The following PAX8 variants were observed in gnomAD, a reference collection of about 807,000 sequenced individuals.
PAX8 encodes the protein paired box 8, also known as paired box protein Pax-8.
PAX8 carries 15 observed loss-of-function variants against 52.4 expected under a neutral mutation model. That is an observed-to-expected ratio of 0.29 (90% CI 0.19 to 0.44). PAX8 has a LOEUF of 0.44. Ranked by LOEUF, PAX8 falls within the 20% of genes least tolerant of loss-of-function variation. The pLI, the probability that PAX8 is intolerant of heterozygous loss-of-function variation, is 1.00. For missense variants in PAX8, 554 were observed against 602.5 expected (o/e 0.92, Z 0.84); for synonymous variants, 284 against 249.7 (o/e 1.14, Z -1.29).
chr2:113,254,263 C>T (rs1692023332), intron 2 of PAX8, among the ~76,000 whole-genome samples: 1 of 152,232 alleles, frequency 6.6e-6, no homozygotes, highest in Non-Finnish European at 1.5e-5. Flanking sequence ...GAATTGATTT[C>T]TACCTTCATG....
rs1349026936 is a variant in PAX8, at chr2:113,235,430, C to A, written c.1051G>T (p.Val351Leu). Residue 351 changes from valine to leucine, a missense_variant, in exon 9 of 12, where the codon GTG becomes TTG. Val to Leu is a conservative substitution (Grantham distance 32). Around this residue, in one of 2 missense-constraint regions of PAX8, gnomAD observed 445 missense variants for 409.9 expected, o/e 1.09. Transcript: ENST00000429538. ...PFNAFPHAAS[V>L]YGQFTGQALL... is the part of the protein sequence containing the mutation. ...GCCTGGCCCGTGAACTGCCCGTACA[C>A]GGAGGCAGCATGGGGAAAGGCATTG... 1 of 1,603,812 alleles carries A rather than the reference C, an allele frequency of 6.2e-7. No homozygotes were observed. Among genetic ancestry groups the A allele is most frequent in the Admixed American group, 1.7e-5 (1 of 58,088 alleles).
intron 2 of PAX8, among the ~76,000 whole-genome samples, chr2:113,250,234 T>G (rs1026462520): frequency 1.5e-5 from 2 of 132,654 alleles, no homozygotes; most frequent in African/African-American, 2.9e-5. Context: ...ACCACTGCAC[T>G]CCAGCCTGGG....
intron 2 of PAX8, among the ~76,000 whole-genome samples, chr2:113,253,015 G>A (rs1241267890): frequency 6.6e-6 from 1 of 152,214 alleles, no homozygotes; most frequent in Admixed American, 6.5e-5. Context: ...AGCCTGCTCT[G>A]TGCCTCCTGC....
intron 2 of PAX8, chr2:113,270,369 T>G (rs977383432): frequency 3.9e-5 from 6 of 152,124 alleles, no homozygotes; most frequent in African/African-American, 1.4e-4. Context: ...CCATATTTTA[T>G]AAAGGGGAAG....
At chr2:113,274,671 G>C (rs997564124) in intron 2 of PAX8, 12 of 152,204 alleles carry the variant, frequency 7.9e-5, no homozygotes, top group African/African-American at 2.9e-4. Context: ...GTCACTGTAA[G>C]TAAAGTTTCA....
At chr2:113,251,616 G>A (rs562709857) in intron 2 of PAX8, among the ~76,000 whole-genome samples, 4 of 152,142 alleles carry the variant, frequency 2.6e-5, no homozygotes, top group Non-Finnish European at 5.9e-5. Flanking sequence ...AAAGGTCTAG[G>A]TGAAGCTTGC....
At chr2:113,233,330 GA>G (rs35244828) in intron 9 of PAX8, among the ~76,000 whole-genome samples, 11 of 137,862 alleles carry the variant, frequency 8.0e-5, no homozygotes, top group African/African-American at 2.2e-4. Flanking sequence ...ATGTACGGAG[GA>G]AAAAAAAAAA....
At chr2:113,223,956 G>A (rs895203764) in intron 10 of PAX8, among the ~76,000 whole-genome samples, 1 of 152,126 alleles carries the variant, frequency 6.6e-6, no homozygotes, top group African/African-American at 2.4e-5. Context: ...GATGATGAAA[G>A]GATGGATGGG....
At chr2:113,235,846 A>T (rs1301553295) in intron 8 of PAX8, 1 of 494,092 alleles carries the variant, frequency 2.0e-6, no homozygotes, top group African/African-American at 2.0e-5. Context: ...CACAGGAGGG[A>T]GCGCGGAGAC....
At chr2:113,241,475 G>A in intron 7 of PAX8, 76 bp downstream of exon 7, 1 of 1,422,102 alleles carries the variant, frequency 7.0e-7, no homozygotes, top group South Asian at 1.2e-5. Flanking sequence ...CTTTGATGGA[G>A]CACAGGCTCA....
At chr2:113,242,996 A>G (rs1690991679) in intron 4 of PAX8, among the ~76,000 whole-genome samples, 1 of 152,164 alleles carries the variant, frequency 6.6e-6, no homozygotes, top group Non-Finnish European at 1.5e-5. Flanking sequence ...CAAGGCCAAA[A>G]CAGAGATGGG....
At position 113,253,260 on chromosome 2, in the gene PAX8, CATCCTTGGTG is replaced by C. The variant is rs907158098; in HGVS notation, c.26-6351_26-6342del. The stretch of plus-strand genomic sequence containing the variant: ...CAGTGTTTCTCTCCCCCTTCAAGGC[CATCCTTGGTG>C]ATCCTACACACCCTTATTGTCATAC... On this transcript the variant is annotated intron_variant, in intron 2 of 11. Transcript: ENST00000429538. 9.2e-5 allele frequency among the ~76,000 whole-genome samples: 14 copies of C among 152,288 alleles called. No individual in the cohort carries two copies. In the South Asian group the frequency reaches 1.0e-3, roughly 11 times the overall value.
intron 1 of PAX8, 47 bp from the exon 2 acceptor site, chr2:113,278,516 C>T (rs1230084510): frequency 2.1e-6 from 3 of 1,439,224 alleles, no homozygotes; most frequent in Non-Finnish European, 1.9e-6. Flanking sequence ...AGATTCGATG[C>T]CTGCATCCTC....
intron 4 of PAX8, among the ~76,000 whole-genome samples, chr2:113,243,723 C>A (rs1477928353): frequency 2.6e-5 from 4 of 152,206 alleles, no homozygotes; most frequent in Non-Finnish European, 4.4e-5. Flanking sequence ...TCCTATTAGC[C>A]ACAGGGCCTT....
chr2:113,222,237 C>G (rs1689314961), intron 10 of PAX8, among the ~76,000 whole-genome samples: 1 of 152,200 alleles, frequency 6.6e-6, no homozygotes. Context: ...TCTCTACTGG[C>G]CACACAGCAA....
In PAX8 at chr2:113,262,190, A is replaced by AT. The variant is rs535892683; in HGVS notation, c.26-15272dup. 2.2e-3 allele frequency among the ~76,000 whole-genome samples: 338 copies of AT among 151,336 alleles called. 1 individual carries two copies. Among genetic ancestry groups the AT allele is most frequent in the African/African-American group, 7.9e-3 (326 of 41,332 alleles). ...CTTTTTGTTTTCTTAAGTGTTTTTT[A>AT]TTTTTTGTAGAGAGGTGATTTTGCT... On this transcript the variant is annotated intron_variant, in intron 2 of 11. Transcript: ENST00000429538.
chr2:113,229,743 A>G (rs951948985), intron 9 of PAX8, among the ~76,000 whole-genome samples: 3 of 152,148 alleles, frequency 2.0e-5, no homozygotes, highest in African/African-American at 7.2e-5. Context: ...ATACAACACA[A>G]TCGACCCTCA....
chr2:113,218,458 T>C lies in PAX8; in HGVS notation c.*75A>G, dbSNP rs1689100133. 1.3e-6 allele frequency: 1 copy of C among 780,208 alleles called. No homozygotes were observed. Among genetic ancestry groups the C allele is most frequent in the East Asian group, 2.8e-5 (1 of 35,246 alleles). The allele number at this position is 780,208 out of a possible 1,614,324, so 48.3% of individuals were successfully genotyped here. A position where few individuals can be genotyped will look rare whatever the true frequency, so the allele number is the denominator to read the frequency against. On this transcript the variant is annotated 3_prime_UTR_variant, in exon 12 of 12. Coordinates refer to ENST00000429538, the MANE Select transcript of PAX8 (RefSeq NM_003466.4). Reference sequence around the variant, plus strand: ...TTTTCATGTAATAAATAAAGATTCCTTTGTGTGACTCTCTGGGGCCTGTCC... The same window carrying C: ...TTTTCATGTAATAAATAAAGATTCCCTTGTGTGACTCTCTGGGGCCTGTCC...
chr2:113,226,961 T>C, intron 10 of PAX8, 194 bp downstream of exon 10: 2 of 1,498,150 alleles, frequency 1.3e-6, no homozygotes, highest in Non-Finnish European at 1.8e-6. Flanking sequence ...CTGGGGCAAG[T>C]TAAATAGGGA....
Sources: gnomAD v4.1 joint callset for allele counts (sites outside exome capture counted in the v4.1 genomes callset) on GRCh38, gnomAD v4.1.1 for gene constraint, gnomAD v4.1.1 regional missense constraint, MANE v1.5 for transcripts, NCBI Gene and HGNC (gene_info 2026-07-23, HGNC 2026-07-21) for gene names.